Variants in PSMD12 observed in about 807,000 individuals in gnomAD.
PSMD12 encodes the protein proteasome 26S subunit, non-ATPase 12.
PSMD12 carries 8 observed loss-of-function variants against 62.9 expected under a neutral mutation model. The observed-to-expected ratio is 0.13, with a 90% CI of 0.07 to 0.23. The LOEUF (loss-of-function observed/expected upper bound fraction) is 0.23, where lower values mean the gene tolerates loss of function less well. Among genes scored for constraint, PSMD12 ranks in the 10% least tolerant of loss-of-function variants. The pLI, the probability that PSMD12 is intolerant of heterozygous loss-of-function variation, is 1.00. For synonymous variants in PSMD12, 173 were observed against 187.4 expected (o/e 0.92, Z 0.63); for missense variants, 424 against 550.2 (o/e 0.77, Z 2.29).
intron 3 of PSMD12, among the ~76,000 whole-genome samples, chr17:67,352,258 A>G (rs911041870): frequency 1.3e-5 from 2 of 151,940 alleles, no homozygotes; most frequent in African/African-American, 2.4e-5. Flanking sequence ...ACACTCAGCT[A>G]ATATTTTTAA....
chr17:67,342,890 T>C (rs1449606370), intron 9 of PSMD12, among the ~76,000 whole-genome samples: 1 of 150,962 alleles, frequency 6.6e-6, no homozygotes, highest in African/African-American at 2.4e-5. Flanking sequence ...GTGCTATGAC[T>C]GTGCCACTGT....
intron 1 of PSMD12, among the ~76,000 whole-genome samples, chr17:67,365,024 C>T (rs1300014336): frequency 6.6e-6 from 1 of 152,008 alleles, no homozygotes; most frequent in Non-Finnish European, 1.5e-5. Context: ...CCCGTCTCTA[C>T]TAAAAGTACA....
chr17:67,344,805 T>G, intron 8 of PSMD12, 25 bp from the exon 9 acceptor site: 1 of 1,484,210 alleles, frequency 6.7e-7, no homozygotes, highest in South Asian at 1.4e-5. Context: ...CATCTTAATA[T>G]TCCAAATCTG....
chr17:67,366,340 TG>T, intron 1 of PSMD12, 71 bp downstream of exon 1: 1 of 1,416,696 alleles, frequency 7.1e-7, no homozygotes. Flanking sequence ...GCAGGCCCCC[TG>T]AGGCCTAAGC....
intron 3 of PSMD12, among the ~76,000 whole-genome samples, chr17:67,354,618 T>C (rs1315835381): frequency 6.6e-6 from 1 of 152,164 alleles, no homozygotes; most frequent in African/African-American, 2.4e-5. Context: ...GTAAGTTTCT[T>C]AGAAAATAGA....
At chr17:67,347,594 T>TCA in intron 5 of PSMD12, 109 bp from the exon 6 acceptor site, 2 of 1,118,172 alleles carry the variant, frequency 1.8e-6, no homozygotes, top group South Asian at 3.4e-5. Flanking sequence ...ATAAGAACCT[T>TCA]CATGTATATA....
Position 67,338,511 on chromosome 17 carries a change from A to T in PSMD12, c.*2332T>A, listed in dbSNP as rs1001257681. ...AATTTGGTCACTGGGACACAGTTACAAATAGCACTGAATCATAATACACAA... is the reference window on the plus strand; with the variant it reads ...AATTTGGTCACTGGGACACAGTTACTAATAGCACTGAATCATAATACACAA... On this transcript the variant is annotated 3_prime_UTR_variant, in exon 11 of 11. Coordinates refer to ENST00000356126, the MANE Select transcript of PSMD12 (RefSeq NM_002816.5). 2.0e-5 allele frequency: 3 copies of T among 152,248 alleles called. No individual in the cohort carries two copies. The highest frequency in any genetic ancestry group is 7.2e-5 in the African/African-American group (3 of 41,460). 9.4% of individuals were successfully genotyped at this position (152,248 alleles called of 1,614,324 possible). A position where few individuals can be genotyped will look rare whatever the true frequency, so the allele number is the denominator to read the frequency against.
chr17:67,364,154 C>T (rs2042158872), intron 1 of PSMD12, among the ~76,000 whole-genome samples: 1 of 151,942 alleles, frequency 6.6e-6, no homozygotes, highest in African/African-American at 2.4e-5. Context: ...TTGAAACTGG[C>T]TCGGTATCAA....
In PSMD12 at chr17:67,366,433, G is replaced by A. The variant is rs2042180169; in HGVS notation, c.87C>T (p.Pro29=). The part of the protein sequence containing the change: ...DYSATVDQRL[P]ECAKLAKEGR... ...TCACCTTGGCTAGCTTCGCACACTCGGGTAGGCGCTGATCCACCGTGGCGC... is the reference window on the plus strand; with the variant it reads ...TCACCTTGGCTAGCTTCGCACACTCAGGTAGGCGCTGATCCACCGTGGCGC... Residue 29 remains proline (P), a synonymous_variant, in exon 1 of 11, where the codon CCC becomes CCT. Coordinates refer to ENST00000356126, the MANE Select transcript of PSMD12 (RefSeq NM_002816.5). 3.1e-6 allele frequency: 5 copies of A among 1,612,026 alleles called. No homozygotes were observed. Among genetic ancestry groups the A allele is most frequent in the African/African-American group, 2.7e-5 (2 of 74,886 alleles).
intron 3 of PSMD12, among the ~76,000 whole-genome samples, chr17:67,351,438 C>T (rs979056020): frequency 3.5e-5 from 4 of 115,388 alleles, no homozygotes; most frequent in Non-Finnish European, 7.6e-5. Context: ...TAATTAGGAC[C>T]ATGAGTCATC....
intron 9 of PSMD12, 112 bp downstream of exon 9, chr17:67,344,494 T>A: frequency 1.0e-6 from 1 of 994,624 alleles, no homozygotes; most frequent in South Asian, 1.9e-5. Context: ...CATTTGGTTA[T>A]CAAATGTGAC....
At chr17:67,350,421 G>A (rs1375116237) in intron 3 of PSMD12, 85 bp from the exon 4 acceptor site, 22 of 992,698 alleles carry the variant, frequency 2.2e-5, no homozygotes, top group Non-Finnish European at 2.6e-5. Context: ...AGCAATGATC[G>A]AACTTGGTCT....
At chr17:67,364,940 T>C (rs751055221) in intron 1 of PSMD12, among the ~76,000 whole-genome samples, 3 of 152,104 alleles carry the variant, frequency 2.0e-5, no homozygotes, top group Non-Finnish European at 2.9e-5. Context: ...TCCCAGCACT[T>C]TGGCAGGCAG....
chr17:67,346,698 T>C (rs1420957420), intron 7 of PSMD12, among the ~76,000 whole-genome samples: 1 of 152,244 alleles, frequency 6.6e-6, no homozygotes, highest in Non-Finnish European at 1.5e-5. Flanking sequence ...ATTGCTAATC[T>C]GACTTACTCC....
At chr17:67,364,175 A>C (rs2042159050) in intron 1 of PSMD12, among the ~76,000 whole-genome samples, 2 of 152,186 alleles carry the variant, frequency 1.3e-5, no homozygotes, top group South Asian at 2.1e-4. Flanking sequence ...AAAACAAACA[A>C]AAAAAGTATA....
chr17:67,358,854 TAC>T (rs1257400326), intron 1 of PSMD12, among the ~76,000 whole-genome samples: 1 of 152,134 alleles, frequency 6.6e-6, no homozygotes, highest in African/African-American at 2.4e-5. Flanking sequence ...TCAACTGAAA[TAC>T]AGTTTCTGAC....
chr17:67,355,082 ATT>A (rs1189138016), intron 3 of PSMD12, among the ~76,000 whole-genome samples: 1 of 137,706 alleles, frequency 7.3e-6, no homozygotes, highest in Non-Finnish European at 1.6e-5. Context: ...CGGCTTGCAT[ATT>A]TTTGGTTTTT....
chr17:67,352,624 C>T (rs1047460117), intron 3 of PSMD12, among the ~76,000 whole-genome samples: 2 of 152,164 alleles, frequency 1.3e-5, no homozygotes, highest in Admixed American at 6.5e-5. Flanking sequence ...TCTCCACTTA[C>T]GAAGGTTTTG....
At chr17:67,356,751 C>T (rs916321481) in intron 3 of PSMD12, among the ~76,000 whole-genome samples, 2 of 151,906 alleles carry the variant, frequency 1.3e-5, no homozygotes, top group African/African-American at 4.8e-5. Flanking sequence ...GGACTCATGC[C>T]TGTAATTCTA....
Sources: allele counts gnomAD v4.1 joint callset (sites outside exome capture counted in the v4.1 genomes callset), GRCh38; gene constraint gnomAD v4.1.1; transcripts MANE v1.5; gene names NCBI Gene and HGNC (gene_info 2026-07-23, HGNC 2026-07-21).